Variants in PLXNA1 observed in about 807,000 individuals in gnomAD.
PLXNA1 encodes plexin-A1.
In PLXNA1, 77 loss-of-function variants were observed where a neutral mutation model predicts 191.7. The observed-to-expected ratio is 0.40, with a 90% CI of 0.33 to 0.49. The LOEUF is 0.49. PLXNA1 is among the 20% of genes least tolerant of loss of function. The pLI is 0.63. For missense variants in PLXNA1, 2,110 were observed against 2,660.2 expected, an observed-to-expected ratio of 0.79 and a Z score of 4.55; for synonymous variants, 1,137 against 1,156.4, an observed-to-expected ratio of 0.98 and a Z score of 0.34.
intron 12 of PLXNA1, 29 bp from the exon 13 acceptor site, chr3:127,014,449 G>A (rs1194784000): frequency 2.5e-6 from 4 of 1,594,640 alleles, no homozygotes; most frequent in Admixed American, 1.7e-5. Context: ...CCTGTGGGAT[G>A]CCTGTACCCC....
At chr3:127,008,501 G>A (rs750647339) in intron 9 of PLXNA1, among the ~76,000 whole-genome samples, 1 of 152,196 alleles carries the variant, frequency 6.6e-6, no homozygotes, top group South Asian at 2.1e-4. Context: ...AACATGAGGC[G>A]CTTAGTAGCA....
intron 29 of PLXNA1, 103 bp downstream of exon 29, chr3:127,030,515 C>A: frequency 7.1e-7 from 1 of 1,400,870 alleles, no homozygotes; most frequent in Non-Finnish European, 9.8e-7. Context: ...TTGGGGCTCC[C>A]TGGCGTGGGG....
intron 15 of PLXNA1, among the ~76,000 whole-genome samples, 190 bp from the exon 16 acceptor site, chr3:127,016,326 GC>G (rs1280314164): frequency 6.6e-6 from 1 of 152,154 alleles, no homozygotes; most frequent in Non-Finnish European, 1.5e-5. Context: ...GCCTGAAGGG[GC>G]TGGGAGCCAG....
At chr3:127,007,384 G>A (rs928120856) in intron 8 of PLXNA1, among the ~76,000 whole-genome samples, 1 of 152,248 alleles carries the variant, frequency 6.6e-6, no homozygotes. Context: ...GTGGCAGCAC[G>A]TGCTGCTTCA....
At chr3:127,006,256 T>G in intron 8 of PLXNA1, 78 bp downstream of exon 8, 1 of 1,132,334 alleles carries the variant, frequency 8.8e-7, no homozygotes, top group East Asian at 2.4e-5. Flanking sequence ...CCCACTGTGC[T>G]TGCTGTCTGC....
At chr3:126,985,832 C>T (rs1301842861) in intron 1 of PLXNA1, among the ~76,000 whole-genome samples, 16 of 152,216 alleles carry the variant, frequency 1.1e-4, no homozygotes, top group Non-Finnish European at 1.5e-5. Context: ...AAGTCTTATA[C>T]CCCTAAGGTG....
Position 127,006,075 on chromosome 3 carries a change from G to T in PLXNA1, c.1898-4G>T. On this transcript the variant is annotated splice_polypyrimidine_tract_variant and splice_region_variant and intron_variant, in intron 7 of 31. Coordinates refer to ENST00000393409, the MANE Select transcript of PLXNA1 (RefSeq NM_032242.4). ...CTGGTGACTCAGCCATGCTGCTCGTGCAGGAGACCAGCGGGTGGTGAAACT... is the reference window on the plus strand; with the variant it reads ...CTGGTGACTCAGCCATGCTGCTCGTTCAGGAGACCAGCGGGTGGTGAAACT... 6.2e-7 allele frequency: 1 copy of T among 1,611,462 alleles called. No individual in the cohort carries two copies. Among genetic ancestry groups the T allele is most frequent in the Non-Finnish European group, 8.5e-7 (1 of 1,177,838 alleles).
intron 1 of PLXNA1, among the ~76,000 whole-genome samples, chr3:126,984,246 C>A (rs939294195): frequency 3.3e-5 from 5 of 152,180 alleles, no homozygotes; most frequent in Non-Finnish European, 7.4e-5. Context: ...GCGATCTGCC[C>A]CAGGCTCCTG....
intron 23 of PLXNA1, 91 bp from the exon 24 acceptor site, chr3:127,027,849 G>C (rs1461695311): frequency 1.3e-6 from 2 of 1,553,628 alleles, no homozygotes; most frequent in South Asian, 1.1e-5. Flanking sequence ...TCCTTGCCAG[G>C]AACACCATGG....
chr3:126,993,986 C>T (rs989146069), intron 3 of PLXNA1, among the ~76,000 whole-genome samples: 1 of 152,192 alleles, frequency 6.6e-6, no homozygotes, highest in African/African-American at 2.4e-5. Flanking sequence ...TTGAGCAAGC[C>T]GTCCAGCCTC....
chr3:127,014,138 G>C, intron 11 of PLXNA1, 22 bp downstream of exon 11: 2 of 1,613,188 alleles, frequency 1.2e-6, no homozygotes, highest in Non-Finnish European at 1.7e-6. Context: ...CCCCGGCGGG[G>C]TGGGCAGTGG....
At chr3:127,030,443 C>CCCCAGGGCCAGGCCAGATGTGTT in intron 29 of PLXNA1, 31 bp downstream of exon 29, 4 of 1,610,312 alleles carry the variant, frequency 2.5e-6, no homozygotes, top group Non-Finnish European at 3.4e-6. Context: ...GAGGGGCATC[C>CCCCAGGGCCAGGCCAGATGTGTT]CCCAGGGCCA....
At chr3:127,026,211 T>C (rs1378202304) in intron 23 of PLXNA1, among the ~76,000 whole-genome samples, 2 of 152,218 alleles carry the variant, frequency 1.3e-5, no homozygotes, top group Non-Finnish European at 2.9e-5. Flanking sequence ...TGGAACCTCC[T>C]TTGCAGCCTC....
At position 127,029,999 on chromosome 3, in the gene PLXNA1, C is replaced by T. The variant is rs1308046539; in HGVS notation, c.4996C>T (p.Arg1666Cys). ...LVKNHDHLDQ[R>C]EGDRGSKMVS... is the part of the protein sequence containing the mutation. ...GAAGAACCACGACCACCTGGACCAGCGTGAGGGTGACCGCGGCAGCAAGAT... is the reference window on the plus strand; with the variant it reads ...GAAGAACCACGACCACCTGGACCAGTGTGAGGGTGACCGCGGCAGCAAGAT... Residue 1666 changes from arginine to cysteine, a missense_variant, in exon 28 of 32, where the codon CGT becomes TGT. This residue lies in a region of PLXNA1 where 559 missense variants were observed against 911.5 expected (regional missense o/e 0.61). Coordinates refer to ENST00000393409, the MANE Select transcript of PLXNA1 (RefSeq NM_032242.4). The T allele has an allele frequency of 6.2e-6, 10 of 1,613,640 alleles. No homozygotes were observed. Among genetic ancestry groups the T allele is most frequent in the South Asian group, 2.2e-5 (2 of 91,078 alleles).
Position 126,989,747 on chromosome 3 carries a change from T to G in PLXNA1, c.1154T>G (p.Leu385Arg). 1 of 1,612,248 alleles carries G rather than the reference T, an allele frequency of 6.2e-7. No individual in the cohort carries two copies. The highest frequency in any genetic ancestry group is 8.5e-7 in the Non-Finnish European group (1 of 1,179,538). Residue 385 changes from leucine (L) to arginine (R), a missense_variant, in exon 2 of 32, where the codon CTG becomes CGG. By Grantham distance (102) the Leu-to-Arg change is moderately radical (BLOSUM62 -2). This residue lies in a region of PLXNA1 where 903 missense variants were observed against 1,015.7 expected (regional missense o/e 0.89). Coordinates refer to ENST00000393409, the MANE Select transcript of PLXNA1 (RefSeq NM_032242.4). ...SCYRGEGKLS[L>R]PWLLNKELGC... Reference sequence around the variant, plus strand: ...TACCGTGGTGAGGGCAAGCTCTCCCTGCCGTGGCTGCTCAACAAGGAGCTG... The same window carrying G: ...TACCGTGGTGAGGGCAAGCTCTCCCGGCCGTGGCTGCTCAACAAGGAGCTG...
chr3:126,993,606 C>T (rs1011708229), intron 3 of PLXNA1, among the ~76,000 whole-genome samples: 1 of 152,202 alleles, frequency 6.6e-6, no homozygotes, highest in African/African-American at 2.4e-5. Flanking sequence ...ACCTGGGTAC[C>T]GCCTCCCTCC....
chr3:126,991,561 C>T lies in PLXNA1; in HGVS notation c.1372C>T (p.Arg458Cys), dbSNP rs757227128. ...VFAGTRSGRI[R>C]KILVDLSNPG... is the part of the protein sequence containing the mutation. Reference sequence around the variant, plus strand: ...CGCCGGCACGCGAAGTGGCCGCATCCGCAAGGTCAGGCCTGGGTGGGGTGG... The same window carrying T: ...CGCCGGCACGCGAAGTGGCCGCATCTGCAAGGTCAGGCCTGGGTGGGGTGG... Residue 458 changes from arginine to cysteine, a missense_variant, in exon 3 of 32, where the codon CGC (arginine) becomes TGC (cysteine). Arg to Cys is a radical substitution (Grantham distance 180). This residue lies in a region of PLXNA1 where 903 missense variants were observed against 1,015.7 expected (regional missense o/e 0.89). Transcript: ENST00000393409. 1.3e-5 allele frequency: 20 copies of T among 1,570,154 alleles called. No individual in the cohort carries two copies. Among genetic ancestry groups the T allele is most frequent in the African/African-American group, 4.0e-5 (3 of 74,194 alleles).
At chr3:126,991,715 G>A in intron 3 of PLXNA1, 149 bp downstream of exon 3, 1 of 900,806 alleles carries the variant, frequency 1.1e-6, no homozygotes, top group Non-Finnish European at 1.6e-6. Flanking sequence ...CCCTACACTA[G>A]GCCCAGTGAC....
intron 15 of PLXNA1, among the ~76,000 whole-genome samples, 196 bp from the exon 16 acceptor site, chr3:127,016,321 A>G (rs950795602): frequency 6.6e-6 from 1 of 152,104 alleles, no homozygotes; most frequent in African/African-American, 2.4e-5. Context: ...TGGGGGCCTG[A>G]AGGGGCTGGG....
Sources: allele counts gnomAD v4.1 joint callset (sites outside exome capture counted in the v4.1 genomes callset), GRCh38; gene constraint gnomAD v4.1.1; regional missense constraint gnomAD v4.1.1; transcripts MANE v1.5; gene names NCBI Gene and HGNC (gene_info 2026-07-23, HGNC 2026-07-21).